PUS7: variants seen among roughly 807,000 people sequenced by gnomAD.
PUS7 encodes the protein pseudouridine synthase 7.
PUS7 carries 48 observed loss-of-function variants against 79.8 expected under a neutral mutation model. The observed-to-expected ratio is 0.60, with a 90% CI of 0.48 to 0.76. PUS7 has a LOEUF of 0.76. Ranked by LOEUF, PUS7 falls within the 30% of genes least tolerant of loss-of-function variation. PUS7 has a pLI of 0.00. For synonymous variants in PUS7, 286 were observed against 272.2 expected, an observed-to-expected ratio of 1.05 and a Z score of -0.50; for missense variants, 729 against 797.6, an observed-to-expected ratio of 0.91 and a Z score of 1.04.
At chr7:105,475,537 T>C (rs535091704) in intron 9 of PUS7, among the ~76,000 whole-genome samples, 2 of 152,146 alleles carry the variant, frequency 1.3e-5, no homozygotes, top group East Asian at 3.9e-4. Context: ...TTAGCTAGGA[T>C]GGTCTCGATC....
At chr7:105,487,780 T>C (rs952059514) in intron 7 of PUS7, among the ~76,000 whole-genome samples, 9 of 152,180 alleles carry the variant, frequency 5.9e-5, no homozygotes, top group Non-Finnish European at 1.3e-4. Flanking sequence ...GAAAGGAGAC[T>C]GGCAGGAACA....
At chr7:105,502,326 A>G (rs1305560770) in intron 5 of PUS7, 94 bp downstream of exon 5, 15 of 1,442,804 alleles carry the variant, frequency 1.0e-5, no homozygotes, top group Non-Finnish European at 1.2e-5. Context: ...GCAGCACTAT[A>G]GTAGCCCTTG....
intron 1 of PUS7, among the ~76,000 whole-genome samples, chr7:105,517,009 T>G: frequency 6.6e-6 from 1 of 151,796 alleles, no homozygotes; most frequent in East Asian, 1.9e-4. Context: ...AAAGAAAAAA[T>G]TTTAAGAAAA....
At chr7:105,474,629 A>T (rs1419662480) in intron 9 of PUS7, among the ~76,000 whole-genome samples, 8 of 106,352 alleles carry the variant, frequency 7.5e-5, no homozygotes, top group South Asian at 3.3e-4. Context: ...AAAAAAAAAA[A>T]AAATAATCGG....
chr7:105,504,257 G>C (rs1481627210), intron 4 of PUS7, among the ~76,000 whole-genome samples: 3 of 151,448 alleles, frequency 2.0e-5, no homozygotes, highest in African/African-American at 7.3e-5. Context: ...TTTTAGTAGA[G>C]ATGGGGTTTC....
At chr7:105,472,427 G>A (rs1339302322) in intron 9 of PUS7, among the ~76,000 whole-genome samples, 1 of 151,992 alleles carries the variant, frequency 6.6e-6, no homozygotes, top group Non-Finnish European at 1.5e-5. Context: ...TTAATTTATT[G>A]TAGAGATGGG....
chr7:105,494,711 C>T lies in PUS7; in HGVS notation c.842+431G>A, dbSNP rs546271956. Among the ~76,000 whole-genome samples, 22 of 152,022 alleles carry T rather than the reference C, an allele frequency of 1.4e-4. No individual in the cohort carries two copies. In the South Asian group the frequency reaches 4.2e-3, roughly 29 times the overall value. ...GTGTGAGCCACTGCGCCAGGCCGAT[C>T]GGCAATTCTTAATCCCAGTACTTTG... is the stretch of plus-strand genomic sequence containing the variant. On this transcript the variant is annotated intron_variant, in intron 6 of 15. Coordinates refer to ENST00000469408, the MANE Select transcript of PUS7 (RefSeq NM_019042.5).
At chr7:105,500,905 C>T (rs936699162) in intron 5 of PUS7, among the ~76,000 whole-genome samples, 1 of 152,166 alleles carries the variant, frequency 6.6e-6, no homozygotes, top group African/African-American at 2.4e-5. Context: ...CCACACCATT[C>T]GTTTGTGGAG....
At chr7:105,479,174 T>C (rs943611730) in intron 9 of PUS7, among the ~76,000 whole-genome samples, 1 of 152,242 alleles carries the variant, frequency 6.6e-6, no homozygotes, top group Non-Finnish European at 1.5e-5. Context: ...GAATTGGTAT[T>C]ATTATCTCCA....
intron 5 of PUS7, among the ~76,000 whole-genome samples, chr7:105,501,311 C>T (rs1269518486): frequency 1.3e-5 from 2 of 152,006 alleles, no homozygotes. Flanking sequence ...TTAATACAGG[C>T]CACCGCTAGT....
chr7:105,505,777 C>A (rs1334137982), intron 4 of PUS7, among the ~76,000 whole-genome samples, 178 bp downstream of exon 4: 1 of 152,102 alleles, frequency 6.6e-6, no homozygotes, highest in African/African-American at 2.4e-5. Flanking sequence ...TATAGTTTAT[C>A]TGGGATACTA....
At chr7:105,489,012 G>A (rs1452510106) in intron 7 of PUS7, among the ~76,000 whole-genome samples, 1 of 152,000 alleles carries the variant, frequency 6.6e-6, no homozygotes, top group Non-Finnish European at 1.5e-5. Context: ...GCTGGGCATG[G>A]TGGCGGGCGC....
Position 105,522,235 on chromosome 7 carries a change from GCA to G in PUS7, c.-218_-217del, listed in dbSNP as rs1826154657. 6.6e-6 allele frequency: 1 copy of G among 151,688 alleles called. No homozygotes were observed. Among genetic ancestry groups the G allele is most frequent in the Admixed American group, 6.6e-5 (1 of 15,224 alleles). The allele number at this position is 151,688 out of a possible 1,614,324, so 9.4% of individuals were successfully genotyped here. A position where few individuals can be genotyped will look rare whatever the true frequency, so the allele number is the denominator to read the frequency against. On this transcript the variant is annotated 5_prime_UTR_variant, in exon 1 of 16. Transcript: ENST00000469408. ...AGCCGACTCACCGGCGGCCGGGCTC[GCA>G]CACGTGCGGCGCAGCGACGCGCCGC...
intron 1 of PUS7, among the ~76,000 whole-genome samples, chr7:105,520,391 G>A (rs879403358): frequency 5.6e-5 from 8 of 141,872 alleles, no homozygotes; most frequent in Non-Finnish European, 1.1e-4. Flanking sequence ...CCCGGGAGGC[G>A]GAGCCTGCAG....
At chr7:105,476,181 G>GT (rs1824103946) in intron 9 of PUS7, among the ~76,000 whole-genome samples, 1 of 146,764 alleles carries the variant, frequency 6.8e-6, no homozygotes, top group Non-Finnish European at 1.5e-5. Flanking sequence ...ATATTCCATT[G>GT]TATGTATGGG....
Position 105,502,443 on chromosome 7 carries a change from G to T in PUS7, c.707C>A (p.Ala236Glu). ...ACTTGCCAAAGCCTTTTTCCCAGCT[G>T]CGTGGTAGGCTACAATGTATTTCTT... ...EGKKYIVAYH[A>E]AGKKALANPR... Residue 236 changes from alanine (A) to glutamate (E), a missense_variant, in exon 5 of 16, where the codon GCA (alanine) becomes GAA (glutamate). Ala to Glu is a moderately radical substitution (Grantham distance 107). Transcript: ENST00000469408. The T allele has an allele frequency of 1.9e-6, 3 of 1,614,064 alleles. No individual in the cohort carries two copies. The highest frequency in any genetic ancestry group is 1.7e-6 in the Non-Finnish European group (2 of 1,180,008).
chr7:105,514,796 A>AT (rs1461495782), intron 1 of PUS7, among the ~76,000 whole-genome samples: 107 of 145,666 alleles, frequency 7.3e-4, no homozygotes, highest in Admixed American at 1.0e-3. Flanking sequence ...ATTCTCTCTC[A>AT]TTTTTTTTTT....
At chr7:105,459,978 G>C (rs1326277980) in intron 14 of PUS7, among the ~76,000 whole-genome samples, 2 of 151,606 alleles carry the variant, frequency 1.3e-5, no homozygotes, top group African/African-American at 4.8e-5. Flanking sequence ...TCGCTCTGTC[G>C]CCCAGGCTGG....
chr7:105,495,966 C>T (rs942989258), intron 5 of PUS7, among the ~76,000 whole-genome samples: 5 of 151,756 alleles, frequency 3.3e-5, no homozygotes, highest in African/African-American at 1.2e-4. Context: ...TTGAGACAAG[C>T]CTGGCCAACA....
Sources: gnomAD v4.1 joint callset for allele counts (sites outside exome capture counted in the v4.1 genomes callset) on GRCh38, gnomAD v4.1.1 for gene constraint, MANE v1.5 for transcripts, NCBI Gene and HGNC (gene_info 2026-07-23, HGNC 2026-07-21) for gene names.